HPSE2: variants seen among roughly 807,000 people sequenced by gnomAD.
The protein encoded by HPSE2 is heparanase 2 (inactive), also known as inactive heparanase-2.
In HPSE2, 38 loss-of-function variants were observed where a neutral mutation model predicts 60.5. The observed-to-expected ratio is 0.63, with a 90% CI of 0.48 to 0.82. HPSE2 has a LOEUF of 0.82. Ranked by LOEUF, HPSE2 falls within the 40% of genes least tolerant of loss-of-function variation. HPSE2 has a pLI of 0.00. For synonymous variants in HPSE2, 295 were observed against 293.2 expected (o/e 1.01, Z -0.06); for missense variants, 713 against 740.4 (o/e 0.96, Z 0.43).
chr10:99,111,491 T>C (rs1427129636), intron 3 of HPSE2, among the ~76,000 whole-genome samples: 1 of 152,126 alleles, frequency 6.6e-6, no homozygotes, highest in East Asian at 1.9e-4. Context: ...TGTATATCCT[T>C]ATATAAGGAG....
At chr10:99,296,315 A>G in the HPSE2 span, among the ~76,000 whole-genome samples, 1 of 152,192 alleles carries the variant, frequency 6.6e-6, no homozygotes, top group Non-Finnish European at 1.5e-5. Flanking sequence ...TTGAGGACTA[A>G]CTAAAACAGG....
chr10:98,658,553 CTT>C (rs58965184), intron 6 of HPSE2, among the ~76,000 whole-genome samples: 1 of 145,462 alleles, frequency 6.9e-6, no homozygotes, highest in Non-Finnish European at 1.5e-5. Context: ...ATTAATCAAT[CTT>C]TTTTTTTTTT....
chr10:98,491,846 G>A (rs1405656767), intron 9 of HPSE2, among the ~76,000 whole-genome samples: 1 of 152,162 alleles, frequency 6.6e-6, no homozygotes, highest in African/African-American at 2.4e-5. Context: ...CAAGGCAGCT[G>A]AAAAACAAGG....
intron 6 of HPSE2, among the ~76,000 whole-genome samples, chr10:98,687,402 A>T: frequency 6.6e-6 from 1 of 152,086 alleles, no homozygotes; most frequent in Non-Finnish European, 1.5e-5. Flanking sequence ...CCTCCTCTCT[A>T]TTAAAACTCC....
chr10:98,705,291 C>T (rs1377611531), intron 5 of HPSE2, among the ~76,000 whole-genome samples: 1 of 152,278 alleles, frequency 6.6e-6, no homozygotes, highest in African/African-American at 2.4e-5. Context: ...AATAGGAATG[C>T]TTTTACACTG....
At chr10:98,713,284 G>C (rs1301177155) in intron 5 of HPSE2, among the ~76,000 whole-genome samples, 1 of 152,012 alleles carries the variant, frequency 6.6e-6, no homozygotes, top group Non-Finnish European at 1.5e-5. Context: ...AGTCATTAAA[G>C]CATCTTTAGC....
intron 9 of HPSE2, among the ~76,000 whole-genome samples, chr10:98,600,650 A>G (rs1945370357): frequency 6.6e-6 from 1 of 151,836 alleles, no homozygotes; most frequent in African/African-American, 2.4e-5. Flanking sequence ...TATGCTCAGT[A>G]TTTCATATAA....
intron 9 of HPSE2, among the ~76,000 whole-genome samples, chr10:98,500,141 A>G (rs1941982907): frequency 6.6e-6 from 1 of 152,168 alleles, no homozygotes; most frequent in Admixed American, 6.5e-5. Context: ...ACAAAGAAAC[A>G]ATGGATTTAA....
chr10:98,960,737 T>TTA (rs1763120539), intron 3 of HPSE2, among the ~76,000 whole-genome samples: 1 of 40,396 alleles, frequency 2.5e-5, no homozygotes, highest in African/African-American at 1.2e-4. Flanking sequence ...TTTTTTTTAT[T>TTA]TTATTTTTTT....
intron 9 of HPSE2, among the ~76,000 whole-genome samples, chr10:98,519,987 T>C (rs1942733281): frequency 6.6e-6 from 1 of 152,204 alleles, no homozygotes; most frequent in Non-Finnish European, 1.5e-5. Context: ...ACCACATCTT[T>C]ATTGTGCAGA....
At position 99,232,518 on chromosome 10, in the gene HPSE2, A is replaced by G; in HGVS notation, c.291-13T>C. 6.4e-7 allele frequency: 1 copy of G among 1,550,982 alleles called. No homozygotes were observed. Among genetic ancestry groups the G allele is most frequent in the Non-Finnish European group, 8.7e-7 (1 of 1,147,562 alleles). ...CAAGCGCTTGGAGCTGCAGAGGAAG[A>G]GAATAAGAGAGGAAAGGTTCCCAGG... On this transcript the variant is annotated splice_polypyrimidine_tract_variant and intron_variant, in intron 1 of 11. Coordinates refer to ENST00000370552, the MANE Select transcript of HPSE2 (RefSeq NM_021828.5).
At chr10:98,594,238 A>C (rs1945169380) in intron 9 of HPSE2, among the ~76,000 whole-genome samples, 1 of 152,098 alleles carries the variant, frequency 6.6e-6, no homozygotes, top group Non-Finnish European at 1.5e-5. Context: ...AGATAACTTA[A>C]AACTATTCCT....
At chr10:98,756,339 G>A (rs1287069243) in intron 3 of HPSE2, among the ~76,000 whole-genome samples, 1 of 152,058 alleles carries the variant, frequency 6.6e-6, no homozygotes, top group East Asian at 1.9e-4. Flanking sequence ...TGAACTGAAT[G>A]AAATTGAGAT....
At chr10:99,150,197 A>T (rs1412510637) in intron 2 of HPSE2, among the ~76,000 whole-genome samples, 1 of 152,212 alleles carries the variant, frequency 6.6e-6, no homozygotes, top group East Asian at 1.9e-4. Flanking sequence ...ATCTAGGTAT[A>T]AAAGCATTTG....
At chr10:99,217,721 T>TAAGACTACAGGTC (rs1349990249) in intron 2 of HPSE2, among the ~76,000 whole-genome samples, 1 of 152,064 alleles carries the variant, frequency 6.6e-6, no homozygotes, top group African/African-American at 2.4e-5. Flanking sequence ...CCTGAGTAGC[T>TAAGACTACAGGTC]AAGACTACAG....
intron 3 of HPSE2, among the ~76,000 whole-genome samples, chr10:98,803,339 G>A (rs998844928): frequency 1.3e-4 from 19 of 150,174 alleles, no homozygotes; most frequent in Admixed American, 5.3e-4. Context: ...GATCCCATTT[G>A]TCAATTTTGG....
chr10:98,528,360 AT>A (rs2133793418), intron 9 of HPSE2, among the ~76,000 whole-genome samples: 1 of 152,314 alleles, frequency 6.6e-6, no homozygotes, highest in South Asian at 2.1e-4. Context: ...GCTGAGCTTT[AT>A]AATTCTAGAT....
At chr10:98,726,200 G>C (rs1000167060) in intron 4 of HPSE2, among the ~76,000 whole-genome samples, 10 of 152,028 alleles carry the variant, frequency 6.6e-5, no homozygotes, top group African/African-American at 9.7e-5. Context: ...GTTTATTGTG[G>C]CACTATTCAC....
intron 3 of HPSE2, among the ~76,000 whole-genome samples, chr10:98,859,496 A>T (rs541890843): frequency 2.6e-5 from 4 of 152,300 alleles, no homozygotes; most frequent in Admixed American, 2.6e-4. Flanking sequence ...ATCCTTTGAG[A>T]GCCCAAATAG....
Sources: gnomAD v4.1 joint callset for allele counts (sites outside exome capture counted in the v4.1 genomes callset) on GRCh38, gnomAD v4.1.1 for gene constraint, MANE v1.5 for transcripts, NCBI Gene and HGNC (gene_info 2026-07-23, HGNC 2026-07-21) for gene names.